Variants in CSMD3 observed in about 807,000 individuals in gnomAD.
CSMD3 encodes CUB and sushi domain-containing protein 3.
Under a neutral mutation model 435.2 loss-of-function variants are expected in CSMD3, and 177 were observed. The observed-to-expected ratio is 0.41, with a 90% CI of 0.36 to 0.46. The LOEUF (loss-of-function observed/expected upper bound fraction) is 0.46. CSMD3 is among the 20% of genes least tolerant of loss of function. CSMD3 has a pLI of 0.34. For synonymous variants in CSMD3, 1,656 were observed against 1,520.5 expected (o/e 1.09, Z -2.07); for missense variants, 4,265 against 4,504.6 (o/e 0.95, Z 1.52).
chr8:113,273,031 A>G (rs947750056), intron 3 of CSMD3, among the ~76,000 whole-genome samples: 2 of 152,132 alleles, frequency 1.3e-5, no homozygotes, highest in African/African-American at 4.8e-5. Flanking sequence ...CAACACAAAG[A>G]GAAGATAAAT....
chr8:112,810,156 T>A (rs912598804), intron 12 of CSMD3, among the ~76,000 whole-genome samples: 1 of 152,192 alleles, frequency 6.6e-6, no homozygotes, highest in Non-Finnish European at 1.5e-5. Flanking sequence ...TGGTGCAATT[T>A]TTCTTTTACA....
chr8:112,703,733 T>C (rs890811188), intron 13 of CSMD3, among the ~76,000 whole-genome samples: 1 of 152,116 alleles, frequency 6.6e-6, no homozygotes, highest in African/African-American at 2.4e-5. Flanking sequence ...GCAACGGGTT[T>C]ACAAAGGTTG....
intron 27 of CSMD3, among the ~76,000 whole-genome samples, chr8:112,524,389 G>A (rs1824637894): frequency 6.6e-6 from 1 of 151,310 alleles, no homozygotes; most frequent in African/African-American, 2.4e-5. Context: ...CATTACTTCT[G>A]ACTGACACTA....
At chr8:112,494,560 TTTCTTTCTTTCTTTTC>T (rs1821133292) in intron 30 of CSMD3, among the ~76,000 whole-genome samples, 5 of 133,318 alleles carry the variant, frequency 3.8e-5, no homozygotes, top group South Asian at 2.3e-4. Context: ...TCTTTCTTTC[TTTCTTTCTTTCTTTTC>T]TTTCTTTCTC....
At chr8:113,086,365 C>T (rs1459692391) in intron 5 of CSMD3, among the ~76,000 whole-genome samples, 1 of 151,930 alleles carries the variant, frequency 6.6e-6, no homozygotes, top group African/African-American at 2.4e-5. Context: ...CACTATAAAC[C>T]ATGACGTTTT....
chr8:113,032,347 G>C (rs2087147675), intron 5 of CSMD3, among the ~76,000 whole-genome samples: 1 of 151,616 alleles, frequency 6.6e-6, no homozygotes, highest in African/African-American at 2.4e-5. Flanking sequence ...ATGAAGTACA[G>C]GTTGAGGTGG....
intron 3 of CSMD3, among the ~76,000 whole-genome samples, chr8:113,218,792 G>C (rs1270956486): frequency 1.3e-5 from 2 of 151,168 alleles, no homozygotes; most frequent in African/African-American, 4.8e-5. Context: ...GGCCAGAAAT[G>C]CTTCATATTT....
At chr8:112,384,221 TAA>T (rs1829737662) in intron 36 of CSMD3, among the ~76,000 whole-genome samples, 1 of 152,194 alleles carries the variant, frequency 6.6e-6, no homozygotes, top group Admixed American at 6.5e-5. Flanking sequence ...ATATTTTTAA[TAA>T]GTTTCAGTAT....
chr8:112,698,838 C>T lies in CSMD3; in HGVS notation c.1973-8788G>A, dbSNP rs142966729. Among the ~76,000 whole-genome samples the T allele has an allele frequency of 1.3e-3, 197 of 152,186 alleles. 3 individuals carry two copies. In the East Asian group the frequency reaches 0.032, roughly 24 times the overall value. ...TCAGGTGGGGACTTGGAGAACTTTT[C>T]TATCTAGCTAAAGGATTGTAAATGC... On this transcript the variant is annotated intron_variant, in intron 13 of 70. Transcript: ENST00000297405.
chr8:112,824,808 C>T (rs1263435554), intron 12 of CSMD3, among the ~76,000 whole-genome samples: 2 of 152,062 alleles, frequency 1.3e-5, no homozygotes, highest in East Asian at 3.9e-4. Context: ...TATGGAGTAT[C>T]TTAGTGGTGT....
intron 4 of CSMD3, among the ~76,000 whole-genome samples, chr8:113,119,107 G>C (rs74553664): frequency 0.015 from 2,312 of 152,220 alleles, 61 homozygotes; most frequent in African/African-American, 0.053. Flanking sequence ...CTTAAAAATA[G>C]GCTACCTCTC....
chr8:112,343,360 G>C (rs1353279965), intron 41 of CSMD3, among the ~76,000 whole-genome samples: 1 of 151,958 alleles, frequency 6.6e-6, no homozygotes, highest in Non-Finnish European at 1.5e-5. Flanking sequence ...TCTATCAATG[G>C]ACATAGAAGT....
At chr8:112,562,249 C>T (rs1828693129) in intron 24 of CSMD3, among the ~76,000 whole-genome samples, 1 of 151,416 alleles carries the variant, frequency 6.6e-6, no homozygotes, top group Admixed American at 6.6e-5. Context: ...AATGTCATAC[C>T]TTACTAGCAA....
intron 43 of CSMD3, 25 bp from the exon 44 acceptor site, chr8:112,336,854 A>G (rs1157332933): frequency 3.2e-6 from 5 of 1,585,306 alleles, no homozygotes; most frequent in Non-Finnish European, 3.5e-6. Flanking sequence ...ACAAAACAAA[A>G]TAATATTTTA....
At chr8:112,487,070 A>G (rs1287110770) in intron 31 of CSMD3, among the ~76,000 whole-genome samples, 1 of 152,216 alleles carries the variant, frequency 6.6e-6, no homozygotes, top group Non-Finnish European at 1.5e-5. Context: ...CGTTGTAACA[A>G]TGGAAAAGAT....
chr8:113,165,577 G>A (rs1284626211), intron 4 of CSMD3, among the ~76,000 whole-genome samples: 1 of 151,982 alleles, frequency 6.6e-6, no homozygotes, highest in East Asian at 1.9e-4. Context: ...AAAATACACA[G>A]CTGACATTTT....
Position 112,310,946 on chromosome 8 carries a change from G to GT in CSMD3, c.7885+31dup, listed in dbSNP as rs745373053. On this transcript the variant is annotated intron_variant, in intron 50 of 70. Coordinates refer to ENST00000297405, the MANE Select transcript of CSMD3 (RefSeq NM_198123.2). ...TAAATGGTGCTAATCTCACATTCAT[G>GT]TTTTTGTTCATTTTGGCATAATATA... 4.4e-6 allele frequency: 7 copies of GT among 1,580,458 alleles called. No homozygotes were observed. In the African/African-American group the frequency reaches 8.1e-5, roughly 18 times the overall value.
intron 32 of CSMD3, among the ~76,000 whole-genome samples, chr8:112,436,610 A>G (rs568110710): frequency 6.6e-6 from 1 of 151,310 alleles, no homozygotes; most frequent in African/African-American, 2.4e-5. Flanking sequence ...AAGTGTATGC[A>G]TGTATACATA....
chr8:113,348,519 A>G (rs550839405), intron 1 of CSMD3, among the ~76,000 whole-genome samples: 1 of 152,256 alleles, frequency 6.6e-6, no homozygotes, highest in African/African-American at 2.4e-5. Context: ...AGAAGCAGGG[A>G]TGAAGCAGGG....
Sources: allele counts gnomAD v4.1 joint callset (sites outside exome capture counted in the v4.1 genomes callset), GRCh38; gene constraint gnomAD v4.1.1; transcripts MANE v1.5; gene names NCBI Gene and HGNC (gene_info 2026-07-23, HGNC 2026-07-21).